Variants in MARCHF7 observed in about 807,000 individuals in gnomAD.
The protein encoded by MARCHF7 is E3 ubiquitin-protein ligase MARCHF7.
A neutral mutation model predicts 76.5 loss-of-function variants in MARCHF7; 20 were observed. That is an observed-to-expected ratio of 0.26 (90% confidence interval 0.18 to 0.38). The LOEUF (loss-of-function observed/expected upper bound fraction) is 0.38, where lower values mean the gene tolerates loss of function less well. Among genes scored for constraint, MARCHF7 ranks in the 10% least tolerant of loss-of-function variants. MARCHF7 has a pLI of 1.00. For missense variants in MARCHF7, 797 were observed against 812.9 expected (o/e 0.98, Z 0.24); for synonymous variants, 295 against 293.0 (o/e 1.01, Z -0.07).
chr2:159,729,316 A>G (rs749647463), intron 4 of MARCHF7, 141 bp downstream of exon 4: 1 of 520,334 alleles, frequency 1.9e-6, no homozygotes, highest in Non-Finnish European at 3.1e-6. Flanking sequence ...CAAAATGAAT[A>G]ACATTTTTCA....
intron 9 of MARCHF7, among the ~76,000 whole-genome samples, chr2:159,762,195 C>T (rs111498588): frequency 1.3e-5 from 2 of 152,302 alleles, no homozygotes; most frequent in South Asian, 4.1e-4. Context: ...CCTGATTTGT[C>T]CTTTTTTCTT....
At chr2:159,742,548 T>TA (rs34454952) in intron 4 of MARCHF7, among the ~76,000 whole-genome samples, 11,131 of 150,612 alleles carry the variant, frequency 0.074, 1,279 homozygotes, top group African/African-American at 0.25. Flanking sequence ...CAAGTGTTTA[T>TA]AAAAAAAAAG....
chr2:159,760,977 A>G (rs1706980893), intron 9 of MARCHF7, among the ~76,000 whole-genome samples: 1 of 150,744 alleles, frequency 6.6e-6, no homozygotes, highest in South Asian at 2.1e-4. Context: ...TAATAAGTCT[A>G]TTTCCACATT....
Position 159,740,265 on chromosome 2 carries a change from C to T in MARCHF7, c.154-2796C>T, listed in dbSNP as rs533718856. On this transcript the variant is annotated intron_variant, in intron 4 of 11. Coordinates refer to ENST00000409175, the MANE Select transcript of MARCHF7 (RefSeq NM_001282805.2). The stretch of plus-strand genomic sequence containing the variant: ...GATTTATCCCCCCCTTCATTAGTTC[C>T]CAAAATCATGTTTGCAGAAGTGCTG... Among the ~76,000 whole-genome samples the T allele has an allele frequency of 2.8e-3, 421 of 152,186 alleles. 1 individual carries two copies. Among genetic ancestry groups the T allele is most frequent in the Non-Finnish European group, 5.0e-3 (337 of 68,004 alleles).
At chr2:159,757,497 T>C (rs751182680) in intron 8 of MARCHF7, among the ~76,000 whole-genome samples, 1 of 152,152 alleles carries the variant, frequency 6.6e-6, no homozygotes, top group African/African-American at 2.4e-5. Flanking sequence ...TTAAGAAATA[T>C]AGGAGTAGGC....
At chr2:159,722,710 C>G (rs1293149593) in intron 3 of MARCHF7, among the ~76,000 whole-genome samples, 1 of 152,140 alleles carries the variant, frequency 6.6e-6, no homozygotes, top group African/African-American at 2.4e-5. Flanking sequence ...TTTTGTTTTT[C>G]ACTATATTTT....
rs1238393343 is a variant in MARCHF7, at chr2:159,725,967, A to G, written c.-14-3042A>G. ...TAGAATCCCTTAGTCTCCTGACAGC[A>G]TTGTAGAAACATGACCACAAAAGAG... On this transcript the variant is annotated intron_variant, in intron 3 of 11. Coordinates refer to ENST00000409175, the MANE Select transcript of MARCHF7 (RefSeq NM_001282805.2). 2.0e-5 allele frequency among the ~76,000 whole-genome samples: 3 copies of G among 152,204 alleles called. No individual in the cohort carries two copies. In the East Asian group the frequency reaches 5.8e-4, roughly 29 times the overall value.
At chr2:159,720,072 C>G (rs112555763) in intron 3 of MARCHF7, among the ~76,000 whole-genome samples, 12,506 of 152,176 alleles carry the variant, frequency 0.082, 623 homozygotes, top group African/African-American at 0.14. Flanking sequence ...GTTGCCCAGG[C>G]TGGGGTGCAG....
chr2:159,756,879 A>C (rs1172398748), intron 8 of MARCHF7, among the ~76,000 whole-genome samples: 2 of 147,040 alleles, frequency 1.4e-5, no homozygotes, highest in Non-Finnish European at 1.5e-5. Context: ...TATGCGATTA[A>C]ATTAAATGGG....
intron 4 of MARCHF7, among the ~76,000 whole-genome samples, chr2:159,732,588 G>A (rs1448189077): frequency 1.3e-5 from 2 of 152,156 alleles, no homozygotes; most frequent in African/African-American, 4.8e-5. Context: ...TCATGACTCG[G>A]CGCAGCCACA....
intron 5 of MARCHF7, among the ~76,000 whole-genome samples, chr2:159,743,787 G>C (rs1217024427): frequency 6.6e-6 from 1 of 151,062 alleles, no homozygotes; most frequent in African/African-American, 2.4e-5. Flanking sequence ...CATGCCTGTA[G>C]TCCCCAGCCA....
chr2:159,721,325 A>G (rs1701617971), intron 3 of MARCHF7, among the ~76,000 whole-genome samples: 1 of 151,964 alleles, frequency 6.6e-6, no homozygotes, highest in African/African-American at 2.4e-5. Flanking sequence ...AAAGCAGTTC[A>G]TTTTTTTCAT....
chr2:159,713,802 C>T (rs911724241), intron 1 of MARCHF7, among the ~76,000 whole-genome samples: 13 of 152,220 alleles, frequency 8.5e-5, no homozygotes, highest in Admixed American at 7.2e-4. Context: ...TGATTTTTGC[C>T]ATAGTTATTT....
intron 11 of MARCHF7, among the ~76,000 whole-genome samples, chr2:159,765,440 A>C (rs1046829961): frequency 9.9e-5 from 15 of 152,070 alleles, no homozygotes; most frequent in African/African-American, 3.6e-4. Flanking sequence ...GTGGCTCTGG[A>C]ATAGTTTCTA....
At chr2:159,739,988 A>G (rs776785312) in intron 4 of MARCHF7, among the ~76,000 whole-genome samples, 2 of 152,196 alleles carry the variant, frequency 1.3e-5, no homozygotes, top group Non-Finnish European at 2.9e-5. Flanking sequence ...CTGCTCCCCT[A>G]TAATCAGTAT....
At chr2:159,734,726 C>T (rs1347027539) in intron 4 of MARCHF7, among the ~76,000 whole-genome samples, 2 of 150,494 alleles carry the variant, frequency 1.3e-5, no homozygotes, top group African/African-American at 4.9e-5. Flanking sequence ...AATCTCAGCA[C>T]TTTGGGAGGC....
In MARCHF7 at chr2:159,748,679, A is replaced by G. The variant is rs144710110; in HGVS notation, c.1389A>G (p.Thr463=). ...GCAGTGCCACAACAGGTGGCTCTACATCAGATTCGGCTCAAGGTGGAAGAA... is the reference window on the plus strand; with the variant it reads ...GCAGTGCCACAACAGGTGGCTCTACGTCAGATTCGGCTCAAGGTGGAAGAA... The part of the protein sequence containing the change: ...ASSSATTGGS[T]SDSAQGGRNT... The change falls in exon 7 of 12, where the codon ACA becomes ACG. Residue 463 remains threonine (T), a synonymous_variant. Transcript: ENST00000409175. 136 of 1,614,206 alleles carry G rather than the reference A, an allele frequency of 8.4e-5. 1 individual carries two copies. In the Middle Eastern group the frequency reaches 1.3e-3, roughly 16 times the overall value.
At chr2:159,732,321 TA>T (rs1702911593) in intron 4 of MARCHF7, among the ~76,000 whole-genome samples, 1 of 152,188 alleles carries the variant, frequency 6.6e-6, no homozygotes, top group African/African-American at 2.4e-5. Flanking sequence ...ATTCTTAAGA[TA>T]AATTATTTTT....
chr2:159,750,355 T>A (rs145704436), intron 7 of MARCHF7, among the ~76,000 whole-genome samples: 204 of 152,248 alleles, frequency 1.3e-3, no homozygotes, highest in Middle Eastern at 6.8e-3. Flanking sequence ...TGAAACCCTG[T>A]CTCTATTAAA....
Sources: allele counts gnomAD v4.1 joint callset (sites outside exome capture counted in the v4.1 genomes callset), GRCh38; gene constraint gnomAD v4.1.1; transcripts MANE v1.5; gene names NCBI Gene and HGNC (gene_info 2026-07-23, HGNC 2026-07-21).